The following TUT4 variants were observed in gnomAD, a reference collection of about 807,000 sequenced individuals.
The protein encoded by TUT4 is terminal uridylyl transferase 4.
In TUT4, 36 loss-of-function variants were observed where a neutral mutation model predicts 192.2. That is an observed-to-expected ratio of 0.19 (90% CI 0.14 to 0.25). TUT4 has a LOEUF of 0.25. Ranked by LOEUF, TUT4 falls within the 10% of genes least tolerant of loss-of-function variation. The pLI is 1.00. For missense variants in TUT4, 1,493 were observed against 1,957.2 expected, an observed-to-expected ratio of 0.76 and a Z score of 4.47; for synonymous variants, 618 against 666.0, an observed-to-expected ratio of 0.93 and a Z score of 1.11.
intron 17 of TUT4, 23 bp downstream of exon 17, chr1:52,461,689 C>T (rs1024123084): frequency 1.3e-6 from 2 of 1,537,048 alleles, no homozygotes; most frequent in Non-Finnish European, 8.8e-7. Flanking sequence ...TTTTGTTTTA[C>T]AGATAAGATT....
intron 1 of TUT4, among the ~76,000 whole-genome samples, chr1:52,528,404 T>C (rs1478286891): frequency 1.3e-5 from 2 of 150,852 alleles, no homozygotes; most frequent in Admixed American, 1.3e-4. Flanking sequence ...GGTGGGAGGA[T>C]CGCTTGAGAC....
In TUT4 at chr1:52,425,224, T is replaced by G. The variant is rs76934841; in HGVS notation, c.4870+125A>C. On this transcript the variant is annotated intron_variant, in intron 29 of 29. Transcript: ENST00000257177. Reference sequence around the variant, plus strand: ...ACCTAGCACCATCTGACACACAGTATAATTTCTCAGTAAATGTTTACTGAA... The same window carrying G: ...ACCTAGCACCATCTGACACACAGTAGAATTTCTCAGTAAATGTTTACTGAA... 3,392 of 1,219,910 alleles carry G rather than the reference T, an allele frequency of 2.8e-3. 65 individuals are homozygous for G. The African/African-American group carries it at 0.047, about 17-fold the overall frequency. The allele number at this position is 1,219,910 out of a possible 1,614,324, so 75.6% of individuals were successfully genotyped here. A position where few individuals can be genotyped will look rare whatever the true frequency, so the allele number is the denominator to read the frequency against.
In TUT4 at chr1:52,526,475, C is replaced by G. The variant is rs1346323775; in HGVS notation, c.-93-102G>C. 6 of 323,488 alleles carry G rather than the reference C, an allele frequency of 1.9e-5. No individual in the cohort carries two copies. The South Asian group carries it at 6.9e-4, about 37-fold the overall frequency. The allele number at this position is 323,488 out of a possible 1,614,324, so 20.0% of individuals were successfully genotyped here. On this transcript the variant is annotated intron_variant, in intron 1 of 29. Coordinates refer to ENST00000257177, the MANE Select transcript of TUT4 (RefSeq NM_001009881.3). ...CAATTTTTTAAACTTGTTCTAAAAA[C>G]TGAAGAAATTGTTAAAAAAAAAAAA...
chr1:52,488,913 G>A lies in TUT4; in HGVS notation c.1511C>T (p.Ala504Val). 1 of 1,610,598 alleles carries A rather than the reference G, an allele frequency of 6.2e-7. No homozygotes were observed. The highest frequency in any genetic ancestry group is 8.5e-7 in the Non-Finnish European group (1 of 1,178,878). Reference sequence around the variant, plus strand: ...GTTTTCCTCTCTTTCACTTACCTTAGCCCAGTAGCGAAAGGCTAACACCAA... The same window carrying A: ...GTTTTCCTCTCTTTCACTTACCTTAACCCAGTAGCGAAAGGCTAACACCAA... Reference protein sequence around the residue: ...IPLVLAFRYWAKLCYIDSQTD... With the variant: ...IPLVLAFRYWVKLCYIDSQTD... Residue 504 changes from alanine (A) to valine (V), a missense_variant, in exon 9 of 30, where the codon GCT becomes GTT. Transcript: ENST00000257177.
intron 4 of TUT4, among the ~76,000 whole-genome samples, chr1:52,508,274 C>G (rs966590684): frequency 2.0e-5 from 3 of 150,360 alleles, no homozygotes; most frequent in Non-Finnish European, 4.4e-5. Flanking sequence ...TTACAGTGAG[C>G]CAAGATTGCA....
chr1:52,492,719 T>A (rs1006816478), intron 7 of TUT4, among the ~76,000 whole-genome samples: 7 of 152,228 alleles, frequency 4.6e-5, no homozygotes, highest in African/African-American at 1.7e-4. Flanking sequence ...TCTTGAAGAT[T>A]GTAACACATG....
At chr1:52,544,243 G>C (rs543965021) in intron 1 of TUT4, among the ~76,000 whole-genome samples, 1 of 151,320 alleles carries the variant, frequency 6.6e-6, no homozygotes, top group Non-Finnish European at 1.5e-5. Context: ...AGCTGAGATC[G>C]TGCCAGTGCA....
At chr1:52,454,803 G>C (rs1299145174) in intron 20 of TUT4, among the ~76,000 whole-genome samples, 1 of 152,154 alleles carries the variant, frequency 6.6e-6, no homozygotes, top group African/African-American at 2.4e-5. Context: ...GGAGAACATA[G>C]TTGCAAAACA....
chr1:52,475,559 T>G, intron 12 of TUT4, 24 bp from the exon 13 acceptor site: 1 of 1,564,522 alleles, frequency 6.4e-7, no homozygotes, highest in African/African-American at 1.4e-5. Flanking sequence ...AAATGGTAAA[T>G]AGCTAAGTCT....
intron 22 of TUT4, 81 bp from the exon 23 acceptor site, chr1:52,446,085 A>C: frequency 7.2e-7 from 1 of 1,387,880 alleles, no homozygotes; most frequent in Non-Finnish European, 9.9e-7. Flanking sequence ...GCTGAAGTCT[A>C]ATACTTATAT....
At chr1:52,542,208 T>A (rs1686882730) in intron 1 of TUT4, among the ~76,000 whole-genome samples, 1 of 152,210 alleles carries the variant, frequency 6.6e-6, no homozygotes, top group African/African-American at 2.4e-5. Flanking sequence ...AATGAGAATT[T>A]ATTGTTTGAC....
chr1:52,425,152 T>G (rs1316755620), intron 29 of TUT4, 197 bp downstream of exon 29: 1 of 500,128 alleles, frequency 2.0e-6, no homozygotes, highest in Non-Finnish European at 3.3e-6. Flanking sequence ...ATGTCTGGCT[T>G]TCCTAATAAA....
In TUT4 at chr1:52,423,884, T is replaced by C. The variant is rs545006043; in HGVS notation, c.*51A>G. On this transcript the variant is annotated 3_prime_UTR_variant, in exon 30 of 30. Transcript: ENST00000257177. ...TACGGATACCCTTGAGACAGCAGGA[T>C]TGGCTGGTTGCTGTGCATCGGTAGA... 1.3e-6 allele frequency: 2 copies of C among 1,599,290 alleles called. No homozygotes were observed. Among genetic ancestry groups the C allele is most frequent in the East Asian group, 2.3e-5 (1 of 44,254 alleles).
intron 2 of TUT4, among the ~76,000 whole-genome samples, chr1:52,516,349 T>C (rs1281632596): frequency 2.6e-5 from 4 of 152,166 alleles, no homozygotes; most frequent in South Asian, 2.1e-4. Context: ...ACAAAGCTAA[T>C]ATAACATAAT....
intron 4 of TUT4, among the ~76,000 whole-genome samples, chr1:52,499,865 G>A (rs1673597998): frequency 6.6e-6 from 1 of 151,902 alleles, no homozygotes; most frequent in Non-Finnish European, 1.5e-5. Flanking sequence ...GAGGTCAGGA[G>A]TTCAAGACCA....
rs965625145 is a variant in TUT4, at chr1:52,425,384, G to A, written c.4835C>T (p.Ala1612Val). ...GAAAGGTTTGTTGGGCTGGAATCGG[G>A]CATTTCCCTGATGCATGAAGTTTTG... ...LHQNFMHQGN[A>V]RFQPNKPFYT... The change falls in exon 29 of 30, where the codon GCC (alanine) becomes GTC (valine). Residue 1612 changes from alanine to valine, a missense_variant. Ala to Val is a moderately conservative substitution (Grantham distance 64, BLOSUM62 0). Transcript: ENST00000257177. The A allele has an allele frequency of 1.9e-6, 3 of 1,613,708 alleles. No individual in the cohort carries two copies. In the African/African-American group the frequency reaches 4.0e-5, roughly 22 times the overall value.
intron 1 of TUT4, among the ~76,000 whole-genome samples, chr1:52,537,112 A>G (rs1685131145): frequency 6.6e-6 from 1 of 152,184 alleles, no homozygotes. Context: ...GTGGGCCGAG[A>G]TTGTGCCACT....
At chr1:52,548,574 A>G (rs1688652847) in intron 1 of TUT4, among the ~76,000 whole-genome samples, 2 of 152,162 alleles carry the variant, frequency 1.3e-5, no homozygotes, top group African/African-American at 2.4e-5. Flanking sequence ...ATCCTTCTAC[A>G]TGGACTTTTC....
Position 52,509,497 on chromosome 1 carries a change from T to C in TUT4, c.999+99A>G, listed in dbSNP as rs78101634. 1.6e-3 allele frequency: 1,208 copies of C among 762,672 alleles called. 14 individuals are homozygous for C. In the African/African-American group the frequency reaches 0.018, roughly 11 times the overall value. 47.2% of individuals were successfully genotyped at this position (762,672 alleles called of 1,614,324 possible). A position where few individuals can be genotyped will look rare whatever the true frequency, so the allele number is the denominator to read the frequency against. ...TATCACTTCAGTTACCAATATAAGA[T>C]TGGACAAATATTTCATTTTTAGTTT... is the stretch of plus-strand genomic sequence containing the variant. On this transcript the variant is annotated intron_variant, in intron 4 of 29. Coordinates refer to ENST00000257177, the MANE Select transcript of TUT4 (RefSeq NM_001009881.3).
Sources: gnomAD v4.1 joint callset for allele counts (sites outside exome capture counted in the v4.1 genomes callset) on GRCh38, gnomAD v4.1.1 for gene constraint, MANE v1.5 for transcripts, NCBI Gene and HGNC (gene_info 2026-07-23, HGNC 2026-07-21) for gene names.